PDE3A: variants seen among roughly 807,000 people sequenced by gnomAD.
The protein encoded by PDE3A is cGMP-inhibited 3',5'-cyclic phosphodiesterase 3A.
PDE3A carries 43 observed loss-of-function variants against 98.3 expected under a neutral mutation model. That is an observed-to-expected ratio of 0.44 (90% CI 0.34 to 0.56). The LOEUF is 0.56. PDE3A is among the 20% of genes least tolerant of loss of function. The probability of loss-of-function intolerance (pLI) is 0.01; values close to 1 mark genes in which losing one functional copy is unlikely to be tolerated. For synonymous variants in PDE3A, 663 were observed against 567.9 expected (o/e 1.17, Z -2.38); for missense variants, 1,427 against 1,440.7 (o/e 0.99, Z 0.15).
intron 1 of PDE3A, among the ~76,000 whole-genome samples, chr12:20,483,744 A>G (rs1945673803): frequency 6.6e-6 from 1 of 152,152 alleles, no homozygotes; most frequent in African/African-American, 2.4e-5. Flanking sequence ...TTGAACTCAA[A>G]GAAAAATTTG....
At chr12:20,542,026 A>C (rs55975172) in intron 1 of PDE3A, among the ~76,000 whole-genome samples, 2 of 151,912 alleles carry the variant, frequency 1.3e-5, no homozygotes, top group Non-Finnish European at 2.9e-5. Flanking sequence ...GGGTCGCGTA[A>C]TGGGGCTAGT....
intron 1 of PDE3A, among the ~76,000 whole-genome samples, chr12:20,398,989 C>T (rs1351994965): frequency 6.6e-6 from 1 of 152,166 alleles, no homozygotes; most frequent in Admixed American, 6.5e-5. Context: ...CCCTCTTCCT[C>T]CCAGCCCCTG....
intron 14 of PDE3A, among the ~76,000 whole-genome samples, chr12:20,651,916 TC>T (rs1364928731): frequency 7.9e-6 from 1 of 127,140 alleles, no homozygotes; most frequent in Non-Finnish European, 1.7e-5. Context: ...TATCCCTCCC[TC>T]CTCCCCCCAC....
At chr12:20,606,607 C>A (rs963816047) in intron 2 of PDE3A, among the ~76,000 whole-genome samples, 19 of 151,300 alleles carry the variant, frequency 1.3e-4, no homozygotes, top group African/African-American at 4.6e-4. Context: ...GCTTATAATC[C>A]CAGGACTTTG....
At chr12:20,374,158 G>A (rs1943529925) in intron 1 of PDE3A, among the ~76,000 whole-genome samples, 2 of 152,038 alleles carry the variant, frequency 1.3e-5, no homozygotes, top group South Asian at 2.1e-4. Context: ...TACTGAAAAG[G>A]GAAAACAAGA....
chr12:20,423,178 C>G (rs10841518), intron 1 of PDE3A, among the ~76,000 whole-genome samples: 40,430 of 151,940 alleles, frequency 0.27, 5,836 homozygotes, highest in African/African-American at 0.38. Flanking sequence ...TATAAAATAT[C>G]CAGAGGAAAT....
At chr12:20,607,251 C>CA (rs1943732415) in intron 2 of PDE3A, among the ~76,000 whole-genome samples, 1 of 151,744 alleles carries the variant, frequency 6.6e-6, no homozygotes, top group Non-Finnish European at 1.5e-5. Context: ...CCAGCCTGGG[C>CA]AAAATAGCAA....
chr12:20,496,826 A>T (rs543593528), intron 1 of PDE3A, among the ~76,000 whole-genome samples: 1 of 152,312 alleles, frequency 6.6e-6, no homozygotes, highest in African/African-American at 2.4e-5. Flanking sequence ...AGGATTTTTT[A>T]AAATATAGGA....
chr12:20,600,834 G>A (rs977349376), intron 2 of PDE3A, among the ~76,000 whole-genome samples: 1 of 152,160 alleles, frequency 6.6e-6, no homozygotes, highest in Non-Finnish European at 1.5e-5. Context: ...ATTGTGCTAG[G>A]AGGTTGAATG....
chr12:20,369,726 T>G lies in PDE3A; in HGVS notation c.442T>G (p.Leu148Val). 6.2e-7 allele frequency: 1 copy of G among 1,612,268 alleles called. No homozygotes were observed. Among genetic ancestry groups the G allele is most frequent in the Non-Finnish European group, 8.5e-7 (1 of 1,179,706 alleles). ...SLLCAFFWMG[L>V]YLLRAGVRLP... is the part of the protein sequence containing the mutation. ...CCTGTGTGCCTTCTTCTGGATGGGC[T>G]TGTACCTCCTGCGCGCCGGGGTGCG... The change falls in exon 1 of 16, where the codon TTG becomes GTG. Residue 148 changes from leucine to valine, a missense_variant. Physicochemically the swap from Leu to Val is conservative, Grantham distance 32 (BLOSUM62 1). Transcript: ENST00000359062.
rs1244521357 is a variant in PDE3A at position 20,417,023 on chromosome 12, G to A, written c.960+46779G>A. Among the ~76,000 whole-genome samples, 7 of 152,054 alleles carry A rather than the reference G, an allele frequency of 4.6e-5. No individual in the cohort carries two copies. In the South Asian group the frequency reaches 1.4e-3, roughly 31 times the overall value. ...AGAAATAGAAATTTTATGAATGATG[G>A]TTGGGAACTTTAACCAAAATGTACA... On this transcript the variant is annotated intron_variant, in intron 1 of 15. Transcript: ENST00000359062.
intron 1 of PDE3A, among the ~76,000 whole-genome samples, chr12:20,476,269 G>T (rs2120987478): frequency 6.6e-6 from 1 of 152,216 alleles, no homozygotes; most frequent in South Asian, 2.1e-4. Context: ...CCTTAGACTG[G>T]GAAAAATCAA....
chr12:20,449,222 C>T (rs958021587), intron 1 of PDE3A, among the ~76,000 whole-genome samples: 3 of 152,222 alleles, frequency 2.0e-5, no homozygotes. Context: ...ATAGAGGAAT[C>T]TCCTTTTCTC....
intron 1 of PDE3A, among the ~76,000 whole-genome samples, chr12:20,524,438 G>A (rs1946480844): frequency 6.6e-6 from 1 of 152,090 alleles, no homozygotes. Context: ...ATTTTGCCAA[G>A]ATCATGGTGC....
intron 1 of PDE3A, among the ~76,000 whole-genome samples, chr12:20,405,092 A>C (rs2120680540): frequency 6.6e-6 from 1 of 152,276 alleles, no homozygotes; most frequent in African/African-American, 2.4e-5. Context: ...TAAGCGTCAG[A>C]GGAAATGGAA....
chr12:20,475,625 G>C (rs1945518338), intron 1 of PDE3A, among the ~76,000 whole-genome samples: 1 of 152,048 alleles, frequency 6.6e-6, no homozygotes, highest in Admixed American at 6.6e-5. Context: ...AGCTACTCGA[G>C]AGGCTGAAGT....
At chr12:20,394,748 G>T (rs1211011322) in intron 1 of PDE3A, among the ~76,000 whole-genome samples, 3 of 151,960 alleles carry the variant, frequency 2.0e-5, no homozygotes, top group Non-Finnish European at 4.4e-5. Context: ...ATGTTTTTAA[G>T]TAGGGTATTG....
chr12:20,386,758 GC>G (rs1381474857), intron 1 of PDE3A, among the ~76,000 whole-genome samples: 3 of 151,918 alleles, frequency 2.0e-5, no homozygotes, highest in Non-Finnish European at 2.9e-5. Context: ...TGATTGTTTT[GC>G]TATGGAGAAG....
chr12:20,520,613 G>A (rs1946403104), intron 1 of PDE3A, among the ~76,000 whole-genome samples: 1 of 152,152 alleles, frequency 6.6e-6, no homozygotes, highest in East Asian at 1.9e-4. Context: ...TTGTTTTACT[G>A]TATGCTTATG....
Sources: allele counts gnomAD v4.1 joint callset (sites outside exome capture counted in the v4.1 genomes callset), GRCh38; gene constraint gnomAD v4.1.1; transcripts MANE v1.5; gene names NCBI Gene and HGNC (gene_info 2026-07-23, HGNC 2026-07-21).